The following AUH variants were observed in gnomAD, a reference collection of about 807,000 sequenced individuals.
AUH encodes the protein AU RNA binding methylglutaconyl-CoA hydratase.
AUH carries 29 observed loss-of-function variants against 42.3 expected under a neutral mutation model. The ratio of observed to expected loss-of-function variants is 0.69; its 90% CI spans 0.51 to 0.93. The LOEUF is 0.93. Ranked by LOEUF, AUH falls within the 40% of genes least tolerant of loss-of-function variation. The pLI is 0.00. For synonymous variants in AUH, 174 were observed against 166.4 expected, an observed-to-expected ratio of 1.05 and a Z score of -0.35; for missense variants, 452 against 438.1, an observed-to-expected ratio of 1.03 and a Z score of -0.28.
chr9:91,325,906 A>G (rs1202394685), intron 3 of AUH, among the ~76,000 whole-genome samples: 1 of 152,222 alleles, frequency 6.6e-6, no homozygotes, highest in African/African-American at 2.4e-5. Flanking sequence ...CACTTTGGTC[A>G]GTCCTTTTGA....
At chr9:91,220,082 C>T (rs1017809955) in intron 7 of AUH, among the ~76,000 whole-genome samples, 1 of 152,170 alleles carries the variant, frequency 6.6e-6, no homozygotes, top group Non-Finnish European at 1.5e-5. Flanking sequence ...CAATTTAAAG[C>T]CCTTTAATCT....
chr9:91,248,493 C>A (rs1260388815), intron 6 of AUH, among the ~76,000 whole-genome samples: 2 of 152,094 alleles, frequency 1.3e-5, no homozygotes, highest in Non-Finnish European at 2.9e-5. Flanking sequence ...AGGAGTGATA[C>A]AAAGGAAGCC....
At chr9:91,291,214 C>T (rs1295545567) in intron 6 of AUH, among the ~76,000 whole-genome samples, 1 of 152,062 alleles carries the variant, frequency 6.6e-6, no homozygotes, top group African/African-American at 2.4e-5. Context: ...GGATTTAAGC[C>T]TCTCTCAGAT....
chr9:91,276,265 C>A (rs531552672), intron 6 of AUH, among the ~76,000 whole-genome samples: 323 of 152,162 alleles, frequency 2.1e-3, no homozygotes, highest in African/African-American at 7.5e-3. Context: ...CCTATCTCTA[C>A]TAAAATTGCA....
chr9:91,255,717 T>C (rs1829371537), intron 6 of AUH, among the ~76,000 whole-genome samples: 1 of 152,220 alleles, frequency 6.6e-6, no homozygotes, highest in East Asian at 1.9e-4. Flanking sequence ...CTATTTATAC[T>C]GCCTCCTTAC....
intron 6 of AUH, among the ~76,000 whole-genome samples, chr9:91,229,077 G>T (rs113618161): frequency 6.6e-6 from 1 of 150,666 alleles, no homozygotes; most frequent in Non-Finnish European, 1.5e-5. Flanking sequence ...GGTCCTCTTG[G>T]TGCAGAGCTG....
intron 4 of AUH, among the ~76,000 whole-genome samples, chr9:91,306,667 C>G (rs1390009222): frequency 6.6e-6 from 1 of 152,186 alleles, no homozygotes. Flanking sequence ...ACATTTTTAA[C>G]CCAGGTGATT....
intron 4 of AUH, among the ~76,000 whole-genome samples, chr9:91,324,547 TA>T (rs200793949): frequency 0.011 from 983 of 90,622 alleles, 13 homozygotes; most frequent in East Asian, 0.06. Context: ...TAAAACCAAA[TA>T]AAAAAAAAAA....
intron 4 of AUH, among the ~76,000 whole-genome samples, chr9:91,311,793 G>C (rs1157785634): frequency 6.6e-6 from 1 of 152,152 alleles, no homozygotes; most frequent in Non-Finnish European, 1.5e-5. Flanking sequence ...AGCCCTAGAA[G>C]GAATGGTAAG....
chr9:91,271,189 G>T (rs912321073), intron 6 of AUH, among the ~76,000 whole-genome samples: 2 of 152,164 alleles, frequency 1.3e-5, no homozygotes, highest in Non-Finnish European at 2.9e-5. Flanking sequence ...TAGAAACGAA[G>T]CAAAAGATAA....
Position 91,361,680 on chromosome 9 carries a change from C to T in AUH, c.210G>A (p.Glu70=). 2.5e-6 allele frequency: 4 copies of T among 1,576,930 alleles called. No individual in the cohort carries two copies. Among genetic ancestry groups the T allele is most frequent in the Non-Finnish European group, 3.4e-6 (4 of 1,161,530 alleles). ...GPAPKRGYSS[E]MKTEDELRVR... ...CCCGCAGCTCGTCCTCCGTCTTCAT[C>T]TCAGAGCTGTAGCCCCTTTTCGGGG... Residue 70 remains glutamate, a synonymous_variant, in exon 1 of 10, where the codon GAG becomes GAA. Transcript: ENST00000375731.
At position 91,358,279 on chromosome 9, in the gene AUH, A is replaced by G. The variant is rs528337806; in HGVS notation, c.263-2124T>C. Among the ~76,000 whole-genome samples the G allele has an allele frequency of 4.4e-4, 67 of 152,284 alleles. No individual in the cohort carries two copies. In the South Asian group the frequency reaches 0.012, roughly 28 times the overall value. On this transcript the variant is annotated intron_variant, in intron 1 of 9. Coordinates refer to ENST00000375731, the MANE Select transcript of AUH (RefSeq NM_001698.3). Reference sequence around the variant, plus strand: ...CCAAGGTGAGGGTGGAGGGGAGTAAAGCTCATGAGTTTCTGTTTTTAATTA... The same window carrying G: ...CCAAGGTGAGGGTGGAGGGGAGTAAGGCTCATGAGTTTCTGTTTTTAATTA...
chr9:91,291,039 C>T (rs1199553062), intron 6 of AUH, among the ~76,000 whole-genome samples: 4 of 152,180 alleles, frequency 2.6e-5, no homozygotes, highest in African/African-American at 9.7e-5. Flanking sequence ...TCGAGAGGCT[C>T]TGTGAGAAAA....
At chr9:91,247,136 TC>T (rs1828841339) in intron 6 of AUH, among the ~76,000 whole-genome samples, 1 of 152,154 alleles carries the variant, frequency 6.6e-6, no homozygotes, top group African/African-American at 2.4e-5. Context: ...AAGCCTTCTT[TC>T]CTCTCTCACT....
chr9:91,291,256 A>C (rs577580715), intron 6 of AUH, among the ~76,000 whole-genome samples: 12 of 150,494 alleles, frequency 8.0e-5, no homozygotes, highest in African/African-American at 2.4e-4. Flanking sequence ...GAGATCCTTA[A>C]TTACACGTGC....
At chr9:91,274,295 A>G (rs1281261447) in intron 6 of AUH, among the ~76,000 whole-genome samples, 2 of 152,252 alleles carry the variant, frequency 1.3e-5, no homozygotes, top group Non-Finnish European at 2.9e-5. Context: ...TGGGCTAGAT[A>G]CTGTTAATAC....
chr9:91,297,008 A>T (rs1285760721), intron 5 of AUH, among the ~76,000 whole-genome samples: 1 of 152,252 alleles, frequency 6.6e-6, no homozygotes, highest in Non-Finnish European at 1.5e-5. Flanking sequence ...AAGAACAGTG[A>T]CAACTCTGTG....
At chr9:91,301,092 ACTT>A (rs1057491553) in intron 4 of AUH, among the ~76,000 whole-genome samples, 8 of 152,078 alleles carry the variant, frequency 5.3e-5, no homozygotes, top group Non-Finnish European at 1.0e-4. Flanking sequence ...TTTTTTATTA[ACTT>A]CTTTTGTTTA....
chr9:91,284,734 G>C (rs1348125972), intron 6 of AUH, among the ~76,000 whole-genome samples: 1 of 152,218 alleles, frequency 6.6e-6, no homozygotes, highest in Non-Finnish European at 1.5e-5. Context: ...GGCTATCAGA[G>C]AAATGCAAAT....
Sources: allele counts gnomAD v4.1 joint callset (sites outside exome capture counted in the v4.1 genomes callset), GRCh38; gene constraint gnomAD v4.1.1; transcripts MANE v1.5; gene names NCBI Gene and HGNC (gene_info 2026-07-23, HGNC 2026-07-21).